The following MAD2L2 variants were observed in gnomAD, a reference collection of about 807,000 sequenced individuals.
The protein encoded by MAD2L2 is mitotic spindle assembly checkpoint protein MAD2B.
Under a neutral mutation model 30.5 loss-of-function variants are expected in MAD2L2, and 17 were observed. The observed-to-expected ratio is 0.56, with a 90% confidence interval of 0.38 to 0.84. The LOEUF (loss-of-function observed/expected upper bound fraction) is 0.84. MAD2L2 is among the 40% of genes least tolerant of loss of function. The pLI, the probability that MAD2L2 is intolerant of heterozygous loss-of-function variation, is 0.00. For synonymous variants in MAD2L2, 101 were observed against 113.9 expected (o/e 0.89, Z 0.72); for missense variants, 213 against 277.4 (o/e 0.77, Z 1.65).
At chr1:11,681,247 A>C (rs2272978), upstream of MAD2L2, 28,164 of 152,238 alleles carry the variant, frequency 0.18, 2,723 homozygotes, top group South Asian at 0.22. Flanking sequence ...GCGGTTCCGC[A>C]TGCGGGGGCG....
Position 11,680,697 on chromosome 1 carries a change from C to G in MAD2L2, c.-12-84G>C, listed in dbSNP as rs947837154. The stretch of plus-strand genomic sequence containing the variant: ...TCGCTTCCACCGTCTCTTCCCTCCC[C>G]ACAGTCTGTGGGAACTGGGGAAGGA... On this transcript the variant is annotated intron_variant, in intron 1 of 8. Transcript: ENST00000376692. 4.7e-6 allele frequency: 7 copies of G among 1,489,772 alleles called. No homozygotes were observed. In the East Asian group the frequency reaches 1.7e-4, roughly 35 times the overall value. The allele number at this position is 1,489,772 out of a possible 1,614,324, so 92.3% of individuals were successfully genotyped here.
In MAD2L2 at chr1:11,675,719, G is replaced by C. The variant is rs758403906; in HGVS notation, c.440C>G (p.Thr147Arg). 6.2e-7 allele frequency: 1 copy of C among 1,613,994 alleles called. No homozygotes were observed. Among genetic ancestry groups the C allele is most frequent in the East Asian group, 2.2e-5 (1 of 44,886 alleles). Residue 147 changes from threonine (T) to arginine (R), a missense_variant, in exon 7 of 9, where the codon ACA becomes AGA. Thr to Arg is a moderately conservative substitution (Grantham distance 71). Transcript: ENST00000376692. The stretch of plus-strand genomic sequence containing the variant: ...GGCTTCTCTCGTGTGCACCAGGACT[G>C]TGAAGGTACAGCCTGGAGAGGCAAG... The part of the protein sequence containing the change: ...LDHNPPGCTF[T>R]VLVHTREAAT...
chr1:11,691,806 G>C (rs1186101458), upstream of MAD2L2: 1 of 150,754 alleles, frequency 6.6e-6, no homozygotes, highest in Non-Finnish European at 1.5e-5. Flanking sequence ...CGGCTCCCGC[G>C]GGCGCTCGGC....
chr1:11,679,213 C>T (rs1368710505), intron 3 of MAD2L2, among the ~76,000 whole-genome samples: 1 of 152,108 alleles, frequency 6.6e-6, no homozygotes, highest in African/African-American at 2.4e-5. Context: ...GTGCTGACTA[C>T]CTCAAGTAAT....
At chr1:11,679,497 G>A (rs562822304) in intron 3 of MAD2L2, among the ~76,000 whole-genome samples, 3 of 152,080 alleles carry the variant, frequency 2.0e-5, no homozygotes, top group Non-Finnish European at 2.9e-5. Context: ...CCAGCTTCAC[G>A]AGCTCCTTCA....
chr1:11,680,367 T>C lies in MAD2L2; in HGVS notation c.145A>G (p.Asn49Asp). Residue 49 changes from asparagine (N) to aspartate (D), a missense_variant, in exon 3 of 9, where the codon AAC becomes GAC. Physicochemically the swap from Asn to Asp is conservative, Grantham distance 23 (BLOSUM62 1). Transcript: ENST00000376692. ...VGIFQKRKKY[N>D]VPVQMSCHPE... ...ACGTGCCTCACCTGGACCGGCACGT[T>C]GTACTTCTTGCGTTTCTGGAAGATG... The C allele has an allele frequency of 6.2e-7, 1 of 1,613,796 alleles. No individual in the cohort carries two copies. The highest frequency in any genetic ancestry group is 8.5e-7 in the Non-Finnish European group (1 of 1,179,822).
rs373779524 is a variant in MAD2L2, at chr1:11,675,421, C to A, written c.501+237G>T. Among the ~76,000 whole-genome samples the A allele has an allele frequency of 1.4e-4, 21 of 152,284 alleles. 3 individuals are homozygous for A. The highest frequency in any genetic ancestry group is 1.9e-4 in the East Asian group (1 of 5,172). ...TGGGCTAGGACCCCTCCCTGGAGAG[C>A]CCCCACTTCAGAAGAGCCAGGATGA... On this transcript the variant is annotated intron_variant, in intron 7 of 8. Coordinates refer to ENST00000376692, the MANE Select transcript of MAD2L2 (RefSeq NM_006341.4).
chr1:11,674,925 G>A lies in MAD2L2; in HGVS notation c.595-109C>T, dbSNP rs1245681366. ...ACCTCCACCACAGGTGGGGCCTCGTGGCCATAGCCATGGTGGAGAAGAGTA... is the reference window on the plus strand; with the variant it reads ...ACCTCCACCACAGGTGGGGCCTCGTAGCCATAGCCATGGTGGAGAAGAGTA... On this transcript the variant is annotated intron_variant, in intron 8 of 8. Coordinates refer to ENST00000376692, the MANE Select transcript of MAD2L2 (RefSeq NM_006341.4). This position sits in a 1 kb window ranked among gnomAD's most constrained non-coding sequence, Gnocchi z 6.1. 1 of 1,399,218 alleles carries A rather than the reference G, an allele frequency of 7.1e-7. No homozygotes were observed. The highest frequency in any genetic ancestry group is 1.4e-5 in the African/African-American group (1 of 70,684). The allele number at this position is 1,399,218 out of a possible 1,614,324, so 86.7% of individuals were successfully genotyped here.
intron 1 of MAD2L2, 179 bp from the exon 2 acceptor site, chr1:11,680,792 G>A: frequency 7.5e-7 from 1 of 1,333,322 alleles, no homozygotes; most frequent in Non-Finnish European, 9.6e-7. Flanking sequence ...CGTGCTTGGG[G>A]GCATCAGCCT....
chr1:11,676,834 C>T lies in MAD2L2; in HGVS notation c.332+14G>A, dbSNP rs1361346718. 1.9e-6 allele frequency: 3 copies of T among 1,607,498 alleles called. No individual in the cohort carries two copies. The highest frequency in any genetic ancestry group is 2.6e-6 in the Non-Finnish European group (3 of 1,174,142). ...CTGATGCCAGCTAGTGGGCGAGGGG[C>T]AGGGGCAGCCCACCTGATGGACAGC... On this transcript the variant is annotated intron_variant, in intron 5 of 8. Transcript: ENST00000376692.
intron 7 of MAD2L2, 47 bp from the exon 8 acceptor site, chr1:11,675,221 C>G: frequency 7.4e-7 from 1 of 1,355,986 alleles, no homozygotes. Flanking sequence ...TGGGCCCTGG[C>G]CTGCCCTCAC....
intron 3 of MAD2L2, among the ~76,000 whole-genome samples, chr1:11,679,496 C>T (rs955298761): frequency 9.9e-5 from 15 of 152,144 alleles, no homozygotes; most frequent in South Asian, 2.1e-4. Flanking sequence ...ACCAGCTTCA[C>T]GAGCTCCTTC....
intron 1 of MAD2L2, among the ~76,000 whole-genome samples, chr1:11,686,587 C>T (rs1021607918): frequency 1.6e-4 from 25 of 152,220 alleles, no homozygotes; most frequent in African/African-American, 4.8e-4. Context: ...ACTTTTAGTA[C>T]AGACGGGGTT....
At chr1:11,680,969 A>C in intron 1 of MAD2L2, 70 bp downstream of exon 1, 1 of 199,878 alleles carries the variant, frequency 5.0e-6, no homozygotes, top group Non-Finnish European at 9.7e-6. Context: ...GGGTTGGAAT[A>C]AGACTCCGCC....
intron 3 of MAD2L2, among the ~76,000 whole-genome samples, chr1:11,679,913 T>C (rs1486463274): frequency 6.6e-6 from 1 of 151,144 alleles, no homozygotes; most frequent in Non-Finnish European, 1.5e-5. Context: ...ATCACCACTT[T>C]GGAACTGGAA....
chr1:11,675,056 G>A, intron 8 of MAD2L2, 26 bp downstream of exon 8: 1 of 1,548,176 alleles, frequency 6.5e-7, no homozygotes, highest in Non-Finnish European at 8.8e-7. Flanking sequence ...CCTAAATAAA[G>A]CTTCCCGGGT....
At chr1:11,686,994 G>A (rs1459409450) in intron 1 of MAD2L2, among the ~76,000 whole-genome samples, 1 of 152,108 alleles carries the variant, frequency 6.6e-6, no homozygotes, top group Non-Finnish European at 1.5e-5. Flanking sequence ...TGCCCAAAGT[G>A]TGTTGCCAGG....
rs751276389 is a variant in MAD2L2 at position 11,676,908 on chromosome 1, T to C, written c.272A>G (p.Glu91Gly). ...GACGAATTTCTCCACTGGGCGGTGCTCTTTATCCAAAATCACCACCACCAC... is the reference window on the plus strand; with the variant it reads ...GACGAATTTCTCCACTGGGCGGTGCCCTTTATCCAAAATCACCACCACCAC... ...EKVVVVILDK[E>G]HRPVEKFVFE... The change falls in exon 5 of 9, where the codon GAG becomes GGG. Residue 91 changes from glutamate to glycine, a missense_variant. Coordinates refer to ENST00000376692, the MANE Select transcript of MAD2L2 (RefSeq NM_006341.4). The C allele has an allele frequency of 1.8e-5, 29 of 1,613,974 alleles. No individual in the cohort carries two copies. Among genetic ancestry groups the C allele is most frequent in the Non-Finnish European group, 2.2e-5 (26 of 1,180,016 alleles).
At position 11,674,718 on chromosome 1, in the gene MAD2L2, G is replaced by A; in HGVS notation, c.*57C>T. Reference sequence around the variant, plus strand: ...AGGGCAGCCATGCAGCACTGCCCTAGGCGGGGATCCCCCAAAGTCTGACAG... The same window carrying A: ...AGGGCAGCCATGCAGCACTGCCCTAAGCGGGGATCCCCCAAAGTCTGACAG... On this transcript the variant is annotated 3_prime_UTR_variant, in exon 9 of 9. Coordinates refer to ENST00000376692, the MANE Select transcript of MAD2L2 (RefSeq NM_006341.4). The surrounding 1 kb of genome is among the most constrained non-coding windows in gnomAD (Gnocchi z 6.1). The A allele has an allele frequency of 6.3e-7, 1 of 1,580,664 alleles. No individual in the cohort carries two copies. The highest frequency in any genetic ancestry group is 8.7e-7 in the Non-Finnish European group (1 of 1,151,166).
Sources: gnomAD v4.1 joint callset for allele counts (sites outside exome capture counted in the v4.1 genomes callset) on GRCh38, gnomAD v4.1.1 for gene constraint, Gnocchi (gnomAD v3.1) non-coding constraint, MANE v1.5 for transcripts, NCBI Gene and HGNC (gene_info 2026-07-23, HGNC 2026-07-21) for gene names.